The following LCN15 variants were observed in gnomAD, a reference collection of about 807,000 sequenced individuals.
LCN15 encodes lipocalin 15.
Under a neutral mutation model 23.1 loss-of-function variants are expected in LCN15, and 26 were observed. The ratio of observed to expected loss-of-function variants is 1.13; its 90% CI spans 0.82 to 1.56. The LOEUF is 1.56. Ranked by LOEUF, LCN15 falls within the 40% of genes most tolerant of loss-of-function variation. The pLI is 0.00. For missense variants in LCN15, 241 were observed against 239.5 expected, an observed-to-expected ratio of 1.01 and a Z score of -0.04; for synonymous variants, 107 against 98.3, an observed-to-expected ratio of 1.09 and a Z score of -0.52.
At chr9:136,760,530 G>A (rs560054535) in intron 6 of LCN15, among the ~76,000 whole-genome samples, 1 of 151,720 alleles carries the variant, frequency 6.6e-6, no homozygotes, top group Non-Finnish European at 1.5e-5. Context: ...GGAAGGGCCA[G>A]TGTCCCTCCA....
At chr9:136,764,275 A>G (rs1847355299) in intron 1 of LCN15, 118 bp downstream of exon 1, 1 of 1,010,296 alleles carries the variant, frequency 9.9e-7, no homozygotes, top group African/African-American at 1.6e-5. Context: ...GGTCTATAGC[A>G]CGTGCCTGGC....
intron 1 of LCN15, 62 bp from the exon 2 acceptor site, chr9:136,764,071 G>T: frequency 6.3e-7 from 1 of 1,582,916 alleles, no homozygotes. Context: ...CCTTGCCCAG[G>T]GACCCAGGGG....
At chr9:136,763,570 C>G (rs1291708483) in intron 3 of LCN15, 103 bp from the exon 4 acceptor site, 1 of 1,234,260 alleles carries the variant, frequency 8.1e-7, no homozygotes, top group East Asian at 2.4e-5. Context: ...GCCTGTTCCC[C>G]GAAGACAGAG....
In LCN15 at chr9:136,764,004, T is replaced by TG; in HGVS notation, c.101dup (p.Gly35ArgfsTer11). ...CCATGGAGACCACGTACCAGAGGCC[T>TG]GAGAACTGCCGGGGGCTTAGTCACC... is the stretch of plus-strand genomic sequence containing the variant. On this transcript the variant is annotated frameshift_variant, in exon 2 of 7. Transcript: ENST00000316144. LOFTEE classifies it high-confidence loss of function. 5 of 1,612,772 alleles carry TG rather than the reference T, an allele frequency of 3.1e-6. No individual in the cohort carries two copies. The highest frequency in any genetic ancestry group is 4.2e-6 in the Non-Finnish European group (5 of 1,179,834).
intron 6 of LCN15, among the ~76,000 whole-genome samples, chr9:136,760,567 C>T (rs975402501): frequency 6.6e-5 from 10 of 152,356 alleles, no homozygotes; most frequent in East Asian, 1.9e-4. Context: ...ACGTCAGACA[C>T]GTGACGTGTG....
intron 3 of LCN15, 96 bp from the exon 4 acceptor site, chr9:136,763,563 T>A: frequency 8.4e-7 from 1 of 1,196,110 alleles, no homozygotes; most frequent in Non-Finnish European, 1.2e-6. Flanking sequence ...GCTGTGAGCC[T>A]GTTCCCCGAA....
At position 136,764,439 on chromosome 9, in the gene LCN15, G is replaced by T. The variant is rs756613477; in HGVS notation, c.50C>A (p.Thr17Lys). 6 of 1,613,166 alleles carry T rather than the reference G, an allele frequency of 3.7e-6. No homozygotes were observed. The African/African-American group carries it at 8.0e-5, about 22-fold the overall frequency. Reference protein sequence around the residue: ...GAILTLLWAPTAQAEVLLQPD... With the variant: ...GAILTLLWAPKAQAEVLLQPD... The stretch of plus-strand genomic sequence containing the variant: ...CTGCAGCAGAACCTCAGCCTGAGCC[G>T]TGGGCGCCCAGAGCAGGGTCAGGAT... Residue 17 changes from threonine to lysine, a missense_variant, in exon 1 of 7, where the codon ACG becomes AAG. By Grantham distance (78) the Thr-to-Lys change is moderately conservative. Transcript: ENST00000316144.
Position 136,762,216 on chromosome 9 carries a change from C to G in LCN15, c.492G>C (p.Lys164Asn), listed in dbSNP as rs765273930. Residue 164 changes from lysine (K) to asparagine (N), a missense_variant, in exon 5 of 7, where the codon AAG becomes AAC. Lys to Asn is a moderately conservative substitution (Grantham distance 94, BLOSUM62 0). Coordinates refer to ENST00000316144, the MANE Select transcript of LCN15 (RefSeq NM_203347.2). Reference protein sequence around the residue: ...QDFYPTLGLPKDMMVMLPQSD... With the variant: ...QDFYPTLGLPNDMMVMLPQSD... Reference sequence around the variant, plus strand: ...ACTGGGGCAGCATGACCATCATGTCCTTGGGGAGCCCCAGGGTCGGGTAGA... The same window carrying G: ...ACTGGGGCAGCATGACCATCATGTCGTTGGGGAGCCCCAGGGTCGGGTAGA... 2.5e-6 allele frequency: 4 copies of G among 1,598,078 alleles called. No individual in the cohort carries two copies. In the South Asian group the frequency reaches 4.5e-5, roughly 18 times the overall value.
Position 136,762,156 on chromosome 9 carries a change from G to T in LCN15, c.520+32C>A, listed in dbSNP as rs755994895. The T allele has an allele frequency of 2.9e-5, 38 of 1,319,656 alleles. 1 individual carries two copies. In the South Asian group the frequency reaches 4.9e-4, roughly 17 times the overall value. 81.7% of individuals were successfully genotyped at this position (1,319,656 alleles called of 1,614,324 possible). Reference sequence around the variant, plus strand: ...CATGGGAAGGGAGGGAGAGGCTGGGGGGCATGGGGTGGGCGGGGCTTGCCA... The same window carrying T: ...CATGGGAAGGGAGGGAGAGGCTGGGTGGCATGGGGTGGGCGGGGCTTGCCA... On this transcript the variant is annotated intron_variant, in intron 5 of 6. Transcript: ENST00000316144.
At chr9:136,764,296 G>A (rs1299682760) in intron 1 of LCN15, 97 bp downstream of exon 1, 1 of 1,256,996 alleles carries the variant, frequency 8.0e-7, no homozygotes, top group East Asian at 2.5e-5. Context: ...CGGGCACAGA[G>A]CAAGCGCCCC....
intron 4 of LCN15, among the ~76,000 whole-genome samples, chr9:136,762,673 G>A (rs1183023839): frequency 2.6e-5 from 4 of 152,112 alleles, no homozygotes; most frequent in African/African-American, 7.2e-5. Flanking sequence ...AGGCCGAGGC[G>A]GACGGATCAC....
chr9:136,762,214 T>C lies in LCN15; in HGVS notation c.494A>G (p.Asp165Gly). The stretch of plus-strand genomic sequence containing the variant: ...TGACTGGGGCAGCATGACCATCATG[T>C]CCTTGGGGAGCCCCAGGGTCGGGTA... ...DFYPTLGLPK[D>G]MMVMLPQSDA... The change falls in exon 5 of 7, where the codon GAC becomes GGC. Residue 165 changes from aspartate to glycine, a missense_variant. Coordinates refer to ENST00000316144, the MANE Select transcript of LCN15 (RefSeq NM_203347.2). The C allele has an allele frequency of 1.3e-6, 2 of 1,597,296 alleles. No homozygotes were observed. The highest frequency in any genetic ancestry group is 1.7e-6 in the Non-Finnish European group (2 of 1,172,650).
intron 1 of LCN15, 56 bp downstream of exon 1, chr9:136,764,337 G>T: frequency 6.6e-7 from 1 of 1,511,378 alleles, no homozygotes; most frequent in Non-Finnish European, 9.1e-7. Flanking sequence ...TTATCACGTT[G>T]TCTCTGGCAG....
At position 136,763,995 on chromosome 9, in the gene LCN15, C is replaced by G; in HGVS notation, c.111G>C (p.Trp37Cys). The change falls in exon 2 of 7, where the codon TGG becomes TGC. Residue 37 changes from tryptophan to cysteine, a missense_variant. Trp to Cys is a radical substitution (Grantham distance 215). Coordinates refer to ENST00000316144, the MANE Select transcript of LCN15 (RefSeq NM_203347.2). The stretch of plus-strand genomic sequence containing the variant: ...AGTCAGATGCCATGGAGACCACGTA[C>G]CAGAGGCCTGAGAACTGCCGGGGGC... The part of the protein sequence containing the change: ...DFNAEKFSGL[W>C]YVVSMASDCR... The G allele has an allele frequency of 1.2e-6, 2 of 1,613,114 alleles. No homozygotes were observed. The highest frequency in any genetic ancestry group is 1.7e-6 in the Non-Finnish European group (2 of 1,179,928).
chr9:136,764,481 G>A lies in LCN15; in HGVS notation c.8C>T (p.Ser3Leu). Residue 3 changes from serine (S) to leucine (L), a missense_variant, in exon 1 of 7, where the codon TCA (serine) becomes TTA (leucine). Coordinates refer to ENST00000316144, the MANE Select transcript of LCN15 (RefSeq NM_203347.2). ...GGTCAGGATTGCGCCGAGCAGGAATGACATCATCCCCTCCCCTGCCCTCCA... is the reference window on the plus strand; with the variant it reads ...GGTCAGGATTGCGCCGAGCAGGAATAACATCATCCCCTCCCCTGCCCTCCA... MMSFLLGAILTLL... is the reference protein window; with the variant it reads MMLFLLGAILTLL... 1 of 1,612,342 alleles carries A rather than the reference G, an allele frequency of 6.2e-7. No individual in the cohort carries two copies. The highest frequency in any genetic ancestry group is 8.5e-7 in the Non-Finnish European group (1 of 1,179,394).
rs1033958087 is a variant in LCN15 at position 136,761,993 on chromosome 9, G to A, written c.521-140C>T. The A allele has an allele frequency of 1.9e-5, 15 of 798,058 alleles. No homozygotes were observed. Among genetic ancestry groups the A allele is most frequent in the Admixed American group, 7.7e-5 (2 of 26,092 alleles). The allele number at this position is 798,058 out of a possible 1,614,324, so 49.4% of individuals were successfully genotyped here. On this transcript the variant is annotated intron_variant, in intron 5 of 6. Transcript: ENST00000316144. This position sits in a 1 kb window ranked among gnomAD's most constrained non-coding sequence, Gnocchi z 4.2. ...TGGAGCCCAGAGCTTCCCTCCCAGCGCTGCCCAAAGCCTCTCCCGTAGTCT... is the reference window on the plus strand; with the variant it reads ...TGGAGCCCAGAGCTTCCCTCCCAGCACTGCCCAAAGCCTCTCCCGTAGTCT...
chr9:136,760,510 C>T (rs1847305289), intron 6 of LCN15, among the ~76,000 whole-genome samples: 1 of 152,222 alleles, frequency 6.6e-6, no homozygotes, highest in South Asian at 2.1e-4. Flanking sequence ...CACCTCCTCC[C>T]GCCATGCCAG....
chr9:136,763,827 A>G (rs754520059), intron 2 of LCN15, 43 bp downstream of exon 2: 2 of 1,613,048 alleles, frequency 1.2e-6, no homozygotes, highest in Non-Finnish European at 1.7e-6. Flanking sequence ...CAGCTACCTC[A>G]GCTCCCCAGC....
Position 136,763,949 on chromosome 9 carries a change from TC to T in LCN15, c.156del (p.Lys53ArgfsTer39). 6.2e-7 allele frequency: 1 copy of T among 1,613,516 alleles called. No individual in the cohort carries two copies. The highest frequency in any genetic ancestry group is 1.3e-5 in the African/African-American group (1 of 74,996). On this transcript the variant is annotated frameshift_variant, in exon 2 of 7. Transcript: ENST00000316144. LOFTEE classifies it high-confidence loss of function. The stretch of plus-strand genomic sequence containing the variant: ...CTGGTGGACATGGACAGGTGGTCCT[TC>T]TTGCCCAGGAAGACCCTGCAGTCAG... ...MASDCRVFLGKKDHLSMSTRA... is the reference protein window; with the variant it reads ...MASDCRVFLGXKDHLSMSTRA...
Sources: gnomAD v4.1 joint callset for allele counts (sites outside exome capture counted in the v4.1 genomes callset) on GRCh38, gnomAD v4.1.1 for gene constraint, Gnocchi (gnomAD v3.1) non-coding constraint, MANE v1.5 for transcripts, NCBI Gene and HGNC (gene_info 2026-07-23, HGNC 2026-07-21) for gene names.